NANS: variants seen among roughly 807,000 people sequenced by gnomAD.
NANS encodes the protein N-acetylneuraminate synthase, also known as N-acetylneuraminate-9-phosphate synthase.
In NANS, 29 loss-of-function variants were observed where a neutral mutation model predicts 33.3. The observed-to-expected ratio is 0.87, with a 90% CI of 0.65 to 1.19. The LOEUF is 1.19. Ranked by LOEUF, NANS falls within the 50% of genes most tolerant of loss-of-function variation. The pLI is 0.00. For synonymous variants in NANS, 163 were observed against 177.2 expected (o/e 0.92, Z 0.64); for missense variants, 394 against 461.1 (o/e 0.85, Z 1.33).
chr9:98,065,366 GCAAT>G (rs200763619), intron 2 of NANS, among the ~76,000 whole-genome samples: 2,620 of 142,764 alleles, frequency 0.018, 91 homozygotes, highest in African/African-American at 0.065. Context: ...AGGCTGGAGT[GCAAT>G]CAATGGTGCA....
At chr9:98,066,352 A>G (rs1015514705) in intron 2 of NANS, among the ~76,000 whole-genome samples, 1 of 152,146 alleles carries the variant, frequency 6.6e-6, no homozygotes, top group Non-Finnish European at 1.5e-5. Context: ...CATCATTCTC[A>G]CAAGTATATA....
At chr9:98,075,869 A>G (rs1266458124) in intron 2 of NANS, 1 of 152,166 alleles carries the variant, frequency 6.6e-6, no homozygotes, top group Non-Finnish European at 1.5e-5. Flanking sequence ...ATGATAATAA[A>G]AAGTTTTTGA....
chr9:98,062,778 T>G (rs1402749345), intron 2 of NANS, among the ~76,000 whole-genome samples: 2 of 90,732 alleles, frequency 2.2e-5, no homozygotes, highest in African/African-American at 4.1e-5. Flanking sequence ...GTTATTTCAG[T>G]TTTTTTTTTT....
At chr9:98,082,743 G>T (rs1447885578) in intron 5 of NANS, 103 bp from the exon 6 acceptor site, 1 of 1,092,022 alleles carries the variant, frequency 9.2e-7, no homozygotes, top group Non-Finnish European at 1.3e-6. Context: ...TGCTCCCAAG[G>T]TACTGCCTGG....
intron 2 of NANS, among the ~76,000 whole-genome samples, chr9:98,072,187 A>T (rs1433136035): frequency 1.3e-5 from 2 of 152,192 alleles, no homozygotes; most frequent in Non-Finnish European, 2.9e-5. Context: ...AGGATTGTTA[A>T]GATGCTCCTG....
chr9:98,078,067 G>T, intron 3 of NANS, 126 bp from the exon 4 acceptor site: 1 of 1,400,574 alleles, frequency 7.1e-7, no homozygotes, highest in South Asian at 1.4e-5. Context: ...CACAGGGGCT[G>T]GCACAGTGTT....
rs1829933953 is a variant in NANS at position 98,082,728 on chromosome 9, G to A, written c.871-118G>A. 1.6e-5 allele frequency: 14 copies of A among 866,066 alleles called. No individual in the cohort carries two copies. The South Asian group carries it at 2.3e-4, about 14-fold the overall frequency. 53.6% of individuals were successfully genotyped at this position (866,066 alleles called of 1,614,324 possible). ...TCTGAGCAGTGTAGGGGGCAACAGA[G>A]TGCCTGCTCCCAAGGTACTGCCTGG... is the stretch of plus-strand genomic sequence containing the variant. On this transcript the variant is annotated intron_variant, in intron 5 of 5. Transcript: ENST00000210444.
At chr9:98,070,178 C>T (rs902788860) in intron 2 of NANS, among the ~76,000 whole-genome samples, 1 of 152,178 alleles carries the variant, frequency 6.6e-6, no homozygotes, top group African/African-American at 2.4e-5. Context: ...AGTGCAGTGG[C>T]ACGATTGTGG....
intron 3 of NANS, 101 bp downstream of exon 3, chr9:98,077,118 AT>A: frequency 1.1e-6 from 1 of 869,630 alleles, no homozygotes; most frequent in Non-Finnish European, 1.7e-6. Flanking sequence ...ATGAAGACAA[AT>A]TTTAGCCTCT....
chr9:98,062,205 C>T (rs1829002867), intron 2 of NANS, among the ~76,000 whole-genome samples: 1 of 149,040 alleles, frequency 6.7e-6, no homozygotes, highest in African/African-American at 2.5e-5. Context: ...GACCCTGTCT[C>T]TTAATAAAAA....
At chr9:98,078,441 C>A in intron 4 of NANS, 94 bp downstream of exon 4, 1 of 1,439,938 alleles carries the variant, frequency 6.9e-7, no homozygotes, top group Non-Finnish European at 9.4e-7. Flanking sequence ...ACATGGCATA[C>A]TTTATAATTT....
chr9:98,082,323 C>G (rs1002295500), intron 5 of NANS, among the ~76,000 whole-genome samples: 1 of 152,158 alleles, frequency 6.6e-6, no homozygotes, highest in Admixed American at 6.5e-5. Context: ...AGTTAAGAAT[C>G]TCATCCCTAT....
intron 5 of NANS, 130 bp downstream of exon 5, chr9:98,081,212 C>T: frequency 8.1e-7 from 1 of 1,239,658 alleles, no homozygotes; most frequent in Non-Finnish European, 1.1e-6. Context: ...TGTGCTCCCA[C>T]CCGTGTCAGC....
Position 98,082,927 on chromosome 9 carries a change from G to A in NANS, c.952G>A (p.Glu318Lys), listed in dbSNP as rs1395963161. 4 of 1,614,092 alleles carry A rather than the reference G, an allele frequency of 2.5e-6. No homozygotes were observed. The African/African-American group carries it at 5.3e-5, about 22-fold the overall frequency. Residue 318 changes from glutamate to lysine, a missense_variant, in exon 6 of 6, where the codon GAG becomes AAG. Coordinates refer to ENST00000210444, the MANE Select transcript of NANS (RefSeq NM_018946.4). ...GGACATGCTCACCGTGAAGGTGGGT[G>A]AGCCCAAAGGCTATCCTCCTGAAGA... ...TMDMLTVKVGEPKGYPPEDIF... is the reference protein window; with the variant it reads ...TMDMLTVKVGKPKGYPPEDIF...
intron 5 of NANS, 124 bp downstream of exon 5, chr9:98,081,206 C>A: frequency 9.1e-6 from 12 of 1,323,506 alleles, no homozygotes; most frequent in Non-Finnish European, 1.2e-5. Context: ...AGTGAATGTG[C>A]TCCCACCCGT....
chr9:98,079,494 A>C (rs1829752833), intron 4 of NANS, among the ~76,000 whole-genome samples: 1 of 152,076 alleles, frequency 6.6e-6, no homozygotes, highest in Non-Finnish European at 1.5e-5. Context: ...GCCTTTTTGA[A>C]AACTGACATT....
At chr9:98,068,966 T>A (rs114971773) in intron 2 of NANS, among the ~76,000 whole-genome samples, 2,257 of 152,340 alleles carry the variant, frequency 0.015, 59 homozygotes, top group African/African-American at 0.05. Flanking sequence ...CCTTCTTTTT[T>A]AAACAGCTTT....
At chr9:98,068,056 C>T (rs1316993153) in intron 2 of NANS, among the ~76,000 whole-genome samples, 1 of 152,116 alleles carries the variant, frequency 6.6e-6, no homozygotes, top group African/African-American at 2.4e-5. Flanking sequence ...CTCTGAATTA[C>T]AAACATCTTT....
intron 1 of NANS, 141 bp downstream of exon 1, chr9:98,057,081 C>A (rs959371504): frequency 1.9e-5 from 23 of 1,209,042 alleles, no homozygotes; most frequent in Non-Finnish European, 2.6e-5. Context: ...TTTTCGGAAT[C>A]CTTCGGATCC....
Sources: gnomAD v4.1 joint callset for allele counts (sites outside exome capture counted in the v4.1 genomes callset) on GRCh38, gnomAD v4.1.1 for gene constraint, MANE v1.5 for transcripts, NCBI Gene and HGNC (gene_info 2026-07-23, HGNC 2026-07-21) for gene names.